EPC1: variants seen among roughly 807,000 people sequenced by gnomAD.
EPC1 encodes the protein enhancer of polycomb homolog 1.
EPC1 carries 12 observed loss-of-function variants against 98.4 expected under a neutral mutation model. The ratio of observed to expected loss-of-function variants is 0.12; its 90% CI spans 0.08 to 0.20. EPC1 has a LOEUF of 0.20. Among genes scored for constraint, EPC1 ranks in the 10% least tolerant of loss-of-function variants. The pLI, the probability that EPC1 is intolerant of heterozygous loss-of-function variation, is 1.00. For synonymous variants in EPC1, 357 were observed against 363.9 expected (o/e 0.98, Z 0.21); for missense variants, 729 against 990.5 (o/e 0.74, Z 3.54).
chr10:32,301,161 C>T (rs1835514483), intron 2 of EPC1, among the ~76,000 whole-genome samples: 1 of 152,022 alleles, frequency 6.6e-6, no homozygotes, highest in South Asian at 2.1e-4. Context: ...AAAATATACA[C>T]ATTGACTACC....
Position 32,326,079 on chromosome 10 carries a change from T to C in EPC1, c.154-20148A>G, listed in dbSNP as rs532385078. 1.5e-3 allele frequency among the ~76,000 whole-genome samples: 232 copies of C among 152,240 alleles called. 1 individual carries two copies. Among genetic ancestry groups the C allele is most frequent in the Non-Finnish European group, 2.2e-3 (151 of 68,004 alleles). On this transcript the variant is annotated intron_variant, in intron 1 of 13. Transcript: ENST00000319778. ...CCTCTTATCTGTCTTCTCAAAGATC[T>C]CCAAAAAACAAAAGTACAGTTAACA...
intron 1 of EPC1, among the ~76,000 whole-genome samples, chr10:32,339,022 G>C (rs956167214): frequency 2.6e-5 from 4 of 151,814 alleles, no homozygotes; most frequent in Admixed American, 2.0e-4. Flanking sequence ...GACAATAAAA[G>C]TTATTTTCTG....
At chr10:32,321,048 AT>A (rs952795181) in intron 1 of EPC1, among the ~76,000 whole-genome samples, 6 of 151,988 alleles carry the variant, frequency 3.9e-5, no homozygotes, top group African/African-American at 1.4e-4. Context: ...CAGTTAGTTT[AT>A]TTTTTTTAAG....
chr10:32,345,113 G>A (rs1313874878), intron 1 of EPC1: 1 of 960,356 alleles, frequency 1.0e-6, no homozygotes, highest in Non-Finnish European at 1.2e-6. Flanking sequence ...ACAAGATTCT[G>A]CAGTCACAAG....
At chr10:32,296,938 T>C (rs571425379) in intron 2 of EPC1, among the ~76,000 whole-genome samples, 17 of 149,392 alleles carry the variant, frequency 1.1e-4, no homozygotes, top group Middle Eastern at 7.1e-3. Context: ...ATAGGAAGAG[T>C]ACCCAATCTT....
intron 1 of EPC1, among the ~76,000 whole-genome samples, chr10:32,341,188 T>C (rs1376349463): frequency 6.6e-6 from 1 of 152,242 alleles, no homozygotes; most frequent in Non-Finnish European, 1.5e-5. Flanking sequence ...TTTAACTAAC[T>C]GCTGTTAACA....
At chr10:32,289,209 T>G (rs2132715865) in intron 6 of EPC1, among the ~76,000 whole-genome samples, 1 of 152,252 alleles carries the variant, frequency 6.6e-6, no homozygotes, top group Non-Finnish European at 1.5e-5. Context: ...AAAACTTACA[T>G]GAGTAAACTA....
At chr10:32,303,767 AACAC>A (rs1032669446) in intron 2 of EPC1, among the ~76,000 whole-genome samples, 1 of 152,102 alleles carries the variant, frequency 6.6e-6, no homozygotes, top group African/African-American at 2.4e-5. Flanking sequence ...CACAACTACA[AACAC>A]ACACACACAT....
chr10:32,349,814 G>A (rs1362408615), upstream of EPC1, among the ~76,000 whole-genome samples: 2 of 152,108 alleles, frequency 1.3e-5, no homozygotes, highest in Admixed American at 1.3e-4. Context: ...TGCCCAGGCT[G>A]CTCCTGAGCT....
At chr10:32,374,668 AT>A (rs893016860) in intron 1 of EPC1, among the ~76,000 whole-genome samples, 72 of 151,832 alleles carry the variant, frequency 4.7e-4, no homozygotes, top group African/African-American at 1.6e-3. Context: ...TTAAAAAAAT[AT>A]TTTTTTTCTA....
upstream of EPC1, among the ~76,000 whole-genome samples, chr10:32,348,286 G>A (rs1320761983): frequency 6.6e-6 from 1 of 151,750 alleles, no homozygotes; most frequent in Non-Finnish European, 1.5e-5. Flanking sequence ...TGTTAATAGG[G>A]AAGATTGTTG....
intron 1 of EPC1, chr10:32,345,149 CTT>C: frequency 1.0e-6 from 1 of 979,134 alleles, no homozygotes; most frequent in Non-Finnish European, 1.2e-6. Context: ...AAACAAATCA[CTT>C]ATTAAAAAAT....
At chr10:32,309,493 C>CTTTT (rs67775039) in intron 1 of EPC1, among the ~76,000 whole-genome samples, 2 of 142,440 alleles carry the variant, frequency 1.4e-5, no homozygotes, top group Non-Finnish European at 1.5e-5. Flanking sequence ...TATTTTCAAG[C>CTTTT]TTTTTTTTTT....
chr10:32,310,176 C>CA (rs1363084900), intron 1 of EPC1, among the ~76,000 whole-genome samples: 1 of 152,090 alleles, frequency 6.6e-6, no homozygotes, highest in Non-Finnish European at 1.5e-5. Flanking sequence ...GCCTGGGTGA[C>CA]AGAGTGAGAT....
chr10:32,376,979 A>G (rs996879816), intron 1 of EPC1: 5 of 152,222 alleles, frequency 3.3e-5, no homozygotes, highest in African/African-American at 1.2e-4. Flanking sequence ...GACCAGTAAA[A>G]CCTATGTCAG....
upstream of EPC1, chr10:32,347,287 C>T: frequency 3.4e-6 from 3 of 885,778 alleles, no homozygotes; most frequent in Non-Finnish European, 4.2e-6. Context: ...CAACCCCCGG[C>T]ACCCGCCGGC....
At chr10:32,315,438 A>C (rs1836496903) in intron 1 of EPC1, among the ~76,000 whole-genome samples, 1 of 152,214 alleles carries the variant, frequency 6.6e-6, no homozygotes, top group Non-Finnish European at 1.5e-5. Context: ...TAATGATCAT[A>C]CCACTTAGAC....
rs35887256 is a variant in EPC1, at chr10:32,364,002, ATTTTTTTTTTTTTTTTT to A, written c.3+14472_3+14488del. Among the ~76,000 whole-genome samples, 33 of 69,316 alleles carry A rather than the reference ATTTTTTTTTTTTTTTTT, an allele frequency of 4.8e-4. 1 individual carries two copies. The highest frequency in any genetic ancestry group is 2.2e-3 in the African/African-American group (33 of 15,172). 45.5% of individuals were successfully genotyped at this position (69,316 alleles called of 152,430 possible). A position where few individuals can be genotyped will look rare whatever the true frequency, so the allele number is the denominator to read the frequency against. On this transcript the variant is annotated intron_variant, in intron 1 of 13. Coordinates refer to the EPC1 transcript ENST00000375110. ...ATAGTATCGTGTCCATCATGTTGGC[ATTTTTTTTTTTTTTTTT>A]TTTTTTTTTTTTTAGATGGAGTTTC...
intron 1 of EPC1, chr10:32,345,504 C>T (rs1294622781): frequency 1.0e-6 from 1 of 985,466 alleles, no homozygotes; most frequent in Non-Finnish European, 1.2e-6. Flanking sequence ...CACAAATCCA[C>T]GCGACTCCTG....
Sources: allele counts gnomAD v4.1 joint callset (sites outside exome capture counted in the v4.1 genomes callset), GRCh38; gene constraint gnomAD v4.1.1; transcripts MANE v1.5; gene names NCBI Gene and HGNC (gene_info 2026-07-23, HGNC 2026-07-21).